TBC1D19: variants seen among roughly 807,000 people sequenced by gnomAD.
TBC1D19 encodes the protein TBC1 domain family member 19.
TBC1D19 carries 60 observed loss-of-function variants against 89.0 expected under a neutral mutation model. The ratio of observed to expected loss-of-function variants is 0.67; its 90% CI spans 0.55 to 0.84. The LOEUF (loss-of-function observed/expected upper bound fraction) is 0.84. Among genes scored for constraint, TBC1D19 ranks in the 40% least tolerant of loss-of-function variants. The probability of loss-of-function intolerance (pLI) is 0.00; values close to 1 mark genes in which losing one functional copy is unlikely to be tolerated. For synonymous variants in TBC1D19, 189 were observed against 199.7 expected (o/e 0.95, Z 0.45); for missense variants, 500 against 610.8 (o/e 0.82, Z 1.91).
intron 13 of TBC1D19, among the ~76,000 whole-genome samples, chr4:26,695,352 G>A (rs759140670): frequency 6.6e-6 from 1 of 152,188 alleles, no homozygotes. Flanking sequence ...AGAAATATGG[G>A]ACTGTGTGAA....
intron 7 of TBC1D19, among the ~76,000 whole-genome samples, chr4:26,654,454 T>C (rs1388769782): frequency 6.6e-6 from 1 of 152,210 alleles, no homozygotes; most frequent in African/African-American, 2.4e-5. Context: ...TCCTGGATAA[T>C]ATCCTGCAGA....
intron 13 of TBC1D19, among the ~76,000 whole-genome samples, chr4:26,714,846 C>G (rs1716480517): frequency 6.6e-6 from 1 of 152,064 alleles, no homozygotes; most frequent in Non-Finnish European, 1.5e-5. Context: ...CTAGGACACT[C>G]TGCGTCTCCC....
chr4:26,817,281 T>G, the TBC1D19 span, among the ~76,000 whole-genome samples: 1 of 152,020 alleles, frequency 6.6e-6, no homozygotes, highest in African/African-American at 2.4e-5. Flanking sequence ...ATACCCCCTC[T>G]CCCGCACCCC....
chr4:26,583,921 A>G, upstream of TBC1D19: 1 of 464,386 alleles, frequency 2.2e-6, no homozygotes, highest in South Asian at 2.4e-5. Context: ...TTGCCTTTCA[A>G]CCATAGACAA....
chr4:26,848,366 A>G, the TBC1D19 span, among the ~76,000 whole-genome samples: 1 of 152,236 alleles, frequency 6.6e-6, no homozygotes, highest in Non-Finnish European at 1.5e-5. Context: ...TTTCATAATC[A>G]TGTAGCCAAT....
At position 26,740,395 on chromosome 4, in the gene TBC1D19, G is replaced by A. The variant is rs530592893; in HGVS notation, c.1227+422G>A. 4.2e-3 allele frequency among the ~76,000 whole-genome samples: 632 copies of A among 152,182 alleles called. 2 individuals carry two copies. The highest frequency in any genetic ancestry group is 6.4e-3 in the Non-Finnish European group (436 of 68,012). ...GCAGGTGTTCAGTAAATAAATGGCC[G>A]TTGTTGTTATAATTATAATCATCAT... On this transcript the variant is annotated intron_variant, in intron 17 of 20. Transcript: ENST00000264866.
At chr4:26,706,489 A>G (rs1310676545) in intron 13 of TBC1D19, among the ~76,000 whole-genome samples, 2 of 151,926 alleles carry the variant, frequency 1.3e-5, no homozygotes, top group African/African-American at 4.8e-5. Flanking sequence ...CTTTGGTTTC[A>G]GTTATTATCT....
the TBC1D19 span, among the ~76,000 whole-genome samples, chr4:26,850,860 G>A: frequency 9.2e-5 from 14 of 152,280 alleles, no homozygotes; most frequent in Non-Finnish European, 1.8e-4. Context: ...AGCTGGCAAG[G>A]CATTGTTTCT....
At chr4:26,779,744 G>A in the TBC1D19 span, among the ~76,000 whole-genome samples, 1 of 152,192 alleles carries the variant, frequency 6.6e-6, no homozygotes, top group African/African-American at 2.4e-5. Context: ...TTTCATCACA[G>A]ATCCATTCAT....
At chr4:26,769,173 A>G in the TBC1D19 span, among the ~76,000 whole-genome samples, 1 of 152,162 alleles carries the variant, frequency 6.6e-6, no homozygotes, top group African/African-American at 2.4e-5. Flanking sequence ...TTGTCAATCT[A>G]GAATTCTTTA....
At chr4:26,775,043 A>G in the TBC1D19 span, among the ~76,000 whole-genome samples, 4 of 152,242 alleles carry the variant, frequency 2.6e-5, no homozygotes, top group Non-Finnish European at 5.9e-5. Context: ...GAGAATAACC[A>G]TATAAGTTTT....
chr4:26,787,019 T>C, the TBC1D19 span, among the ~76,000 whole-genome samples: 3 of 152,152 alleles, frequency 2.0e-5, no homozygotes, highest in Non-Finnish European at 2.9e-5. Context: ...AATACTTGCC[T>C]TGCAAGCTTG....
chr4:26,627,534 C>T (rs1184353043), intron 4 of TBC1D19, among the ~76,000 whole-genome samples: 2 of 152,182 alleles, frequency 1.3e-5, no homozygotes, highest in Non-Finnish European at 2.9e-5. Context: ...TATTTCTCCA[C>T]ATCCTCTCCA....
Position 26,656,817 on chromosome 4 carries a change from C to A in TBC1D19, c.481-2780C>A, listed in dbSNP as rs1461810862. Among the ~76,000 whole-genome samples, 3 of 152,210 alleles carry A rather than the reference C, an allele frequency of 2.0e-5. No individual in the cohort carries two copies. In the East Asian group the frequency reaches 5.8e-4, roughly 29 times the overall value. On this transcript the variant is annotated intron_variant, in intron 7 of 20. Coordinates refer to ENST00000264866, the MANE Select transcript of TBC1D19 (RefSeq NM_018317.4). ...CAGGCACTCTGCCTGCCTCGGCCTC[C>A]CAAAGTGCTGGGATTACAGGCATGA... is the stretch of plus-strand genomic sequence containing the variant.
At position 26,752,795 on chromosome 4, in the gene TBC1D19, G is replaced by A. The variant is rs186057565; in HGVS notation, c.1436-1025G>A. Among the ~76,000 whole-genome samples the A allele has an allele frequency of 3.3e-5, 5 of 152,046 alleles. 1 individual carries two copies. The South Asian group carries it at 8.3e-4, about 25-fold the overall frequency. ...TTAGCATTACTCTTTTTCCATGTGC[G>A]TATGTTTAATGGAAAAAATAATCCA... On this transcript the variant is annotated intron_variant, in intron 19 of 20. Transcript: ENST00000264866.
chr4:26,821,593 T>C, the TBC1D19 span, among the ~76,000 whole-genome samples: 3 of 152,208 alleles, frequency 2.0e-5, no homozygotes, highest in Non-Finnish European at 4.4e-5. Flanking sequence ...ATCTTGGACC[T>C]GGAAAATTAG....
At chr4:26,764,216 T>G in the TBC1D19 span, among the ~76,000 whole-genome samples, 2 of 152,196 alleles carry the variant, frequency 1.3e-5, no homozygotes, top group Non-Finnish European at 2.9e-5. Context: ...CCTCCTCCCC[T>G]GGAGAAGAAT....
chr4:26,827,087 A>T, the TBC1D19 span, among the ~76,000 whole-genome samples: 1 of 152,218 alleles, frequency 6.6e-6, no homozygotes, highest in Non-Finnish European at 1.5e-5. Context: ...TTTAACCATG[A>T]TAGCTTGGCC....
chr4:26,636,488 T>TAAAA (rs71643685), intron 4 of TBC1D19, among the ~76,000 whole-genome samples: 27 of 130,766 alleles, frequency 2.1e-4, no homozygotes, highest in Non-Finnish European at 2.7e-4. Context: ...GTCAGTATCA[T>TAAAA]AAAAAAAAAA....
Sources: allele counts gnomAD v4.1 joint callset (sites outside exome capture counted in the v4.1 genomes callset), GRCh38; gene constraint gnomAD v4.1.1; transcripts MANE v1.5; gene names NCBI Gene and HGNC (gene_info 2026-07-23, HGNC 2026-07-21).